Variants in CTNND2 observed in about 807,000 individuals in gnomAD.
The protein encoded by CTNND2 is catenin delta 2, also known as catenin delta-2.
A neutral mutation model predicts 144.4 loss-of-function variants in CTNND2; 22 were observed. That is an observed-to-expected ratio of 0.15 (90% CI 0.11 to 0.22). The LOEUF (loss-of-function observed/expected upper bound fraction) is 0.22. Among genes scored for constraint, CTNND2 ranks in the 10% least tolerant of loss-of-function variants. The pLI, the probability that CTNND2 is intolerant of heterozygous loss-of-function variation, is 1.00. For synonymous variants in CTNND2, 751 were observed against 695.6 expected (o/e 1.08, Z -1.25); for missense variants, 1,353 against 1,618.8 (o/e 0.84, Z 2.82).
At chr5:11,704,435 G>C (rs751340139) in intron 2 of CTNND2, among the ~76,000 whole-genome samples, 1 of 152,216 alleles carries the variant, frequency 6.6e-6, no homozygotes, top group Non-Finnish European at 1.5e-5. Flanking sequence ...ATGAAAATAT[G>C]AATGAGTGCC....
chr5:11,764,836 A>G (rs1230569540), intron 1 of CTNND2, among the ~76,000 whole-genome samples: 2 of 152,192 alleles, frequency 1.3e-5, no homozygotes, highest in African/African-American at 4.8e-5. Context: ...TTTCTACTAC[A>G]AAGTGTTACT....
At chr5:11,132,053 A>G (rs1421725647) in intron 12 of CTNND2, among the ~76,000 whole-genome samples, 1 of 152,208 alleles carries the variant, frequency 6.6e-6, no homozygotes, top group Admixed American at 6.5e-5. Context: ...CATCATCAAA[A>G]AACTGAAAGA....
chr5:11,856,730 G>T (rs1795269098), intron 1 of CTNND2, among the ~76,000 whole-genome samples: 1 of 152,128 alleles, frequency 6.6e-6, no homozygotes, highest in Non-Finnish European at 1.5e-5. Flanking sequence ...TGTGGTTTGT[G>T]ATATGATTCA....
chr5:11,689,611 T>C (rs948178553), intron 2 of CTNND2, among the ~76,000 whole-genome samples: 2 of 152,216 alleles, frequency 1.3e-5, no homozygotes, highest in East Asian at 1.9e-4. Flanking sequence ...TACTGTATCA[T>C]AGTTTCATGA....
At chr5:11,062,717 C>A (rs146041054) in intron 16 of CTNND2, among the ~76,000 whole-genome samples, 1 of 152,204 alleles carries the variant, frequency 6.6e-6, no homozygotes, top group African/African-American at 2.4e-5. Flanking sequence ...AAAGGCTTGC[C>A]AGGGGGATAC....
chr5:11,135,211 C>T (rs557167940), intron 12 of CTNND2, among the ~76,000 whole-genome samples: 12 of 152,218 alleles, frequency 7.9e-5, no homozygotes, highest in Admixed American at 1.3e-4. Context: ...TACTGCTTTT[C>T]GTAAATAATA....
At chr5:11,441,330 T>A (rs548082074) in intron 3 of CTNND2, among the ~76,000 whole-genome samples, 1 of 151,704 alleles carries the variant, frequency 6.6e-6, no homozygotes, top group Admixed American at 6.6e-5. Flanking sequence ...TGTTTATAAT[T>A]TTTAAAAGAA....
chr5:11,329,874 T>C (rs991220951), intron 9 of CTNND2, among the ~76,000 whole-genome samples: 1 of 152,224 alleles, frequency 6.6e-6, no homozygotes, highest in African/African-American at 2.4e-5. Context: ...GAGACTCGTC[T>C]GGCTAAGGTT....
At chr5:11,390,345 T>A (rs540211219) in intron 6 of CTNND2, among the ~76,000 whole-genome samples, 207 of 152,274 alleles carry the variant, frequency 1.4e-3, no homozygotes, top group African/African-American at 4.6e-3. Flanking sequence ...ACGCTGAATC[T>A]TCTATGGAGG....
rs1378692350 is a variant in CTNND2, at chr5:11,194,670, C to T, written c.1975+4778G>A. ...AGACCACCACAGATTTGAAGTAAGC[C>T]TGCAAAATCAGTGAAAAAGCCCACC... On this transcript the variant is annotated intron_variant, in intron 11 of 21. Coordinates refer to ENST00000304623, the MANE Select transcript of CTNND2 (RefSeq NM_001332.4). Among the ~76,000 whole-genome samples the T allele has an allele frequency of 1.3e-5, 2 of 151,880 alleles. 1 individual carries two copies. The highest frequency in any genetic ancestry group is 4.8e-5 in the African/African-American group (2 of 41,346).
chr5:11,241,486 C>A (rs1742445766), intron 9 of CTNND2, among the ~76,000 whole-genome samples: 1 of 152,226 alleles, frequency 6.6e-6, no homozygotes, highest in Non-Finnish European at 1.5e-5. Flanking sequence ...TGTCTCCAGG[C>A]AGTTGACTTC....
chr5:11,424,984 C>G (rs1762663836), intron 3 of CTNND2, among the ~76,000 whole-genome samples: 1 of 152,188 alleles, frequency 6.6e-6, no homozygotes, highest in African/African-American at 2.4e-5. Flanking sequence ...ATCCCTGGAG[C>G]ATAATATACC....
intron 10 of CTNND2, among the ~76,000 whole-genome samples, chr5:11,231,557 T>C (rs1741025909): frequency 6.6e-6 from 1 of 152,190 alleles, no homozygotes; most frequent in South Asian, 2.1e-4. Context: ...GCTCCTGCTC[T>C]AGAGATCTGT....
At chr5:11,341,362 C>T (rs1251939537) in intron 9 of CTNND2, among the ~76,000 whole-genome samples, 1 of 152,172 alleles carries the variant, frequency 6.6e-6, no homozygotes, top group Non-Finnish European at 1.5e-5. Flanking sequence ...GGTGAGGGGC[C>T]TGTTGCTCAA....
intron 2 of CTNND2, among the ~76,000 whole-genome samples, chr5:11,659,068 C>A (rs1331270878): frequency 2.0e-5 from 3 of 152,040 alleles, no homozygotes; most frequent in African/African-American, 7.2e-5. Flanking sequence ...GTGGTTCACC[C>A]TTTGTATTCA....
At chr5:11,667,050 G>T (rs542727874) in intron 2 of CTNND2, among the ~76,000 whole-genome samples, 1 of 152,034 alleles carries the variant, frequency 6.6e-6, no homozygotes, top group South Asian at 2.1e-4. Context: ...AGTTTACTGA[G>T]AATGATGGTT....
rs1293852719 is a variant in CTNND2 at position 11,599,098 on chromosome 5, A to G, written c.175-34042T>C. Among the ~76,000 whole-genome samples the G allele has an allele frequency of 2.6e-5, 4 of 152,158 alleles. 1 individual carries two copies. The South Asian group carries it at 8.3e-4, about 32-fold the overall frequency. ...TCTATCACAAGACAGCACCAGGGAG[A>G]TGGTGCTAAGGCATTTGAAACCACC... is the stretch of plus-strand genomic sequence containing the variant. On this transcript the variant is annotated intron_variant, in intron 2 of 21. Transcript: ENST00000304623.
intron 9 of CTNND2, among the ~76,000 whole-genome samples, chr5:11,330,010 A>C (rs1752921454): frequency 6.6e-6 from 1 of 152,180 alleles, no homozygotes; most frequent in Admixed American, 6.5e-5. Flanking sequence ...TGAATGAGCT[A>C]ATGTAGCATG....
chr5:11,181,844 GTGTGTGGATGTGTGTGTGTGT>G (rs1735031207), intron 11 of CTNND2, among the ~76,000 whole-genome samples: 1 of 103,884 alleles, frequency 9.6e-6, no homozygotes, highest in Non-Finnish European at 1.9e-5. Context: ...TGTGGCATGT[GTGTGTGGATGTGTGTGTGTGT>G]TATGTGTGGC....
Sources: gnomAD v4.1 joint callset for allele counts (sites outside exome capture counted in the v4.1 genomes callset) on GRCh38, gnomAD v4.1.1 for gene constraint, MANE v1.5 for transcripts, NCBI Gene and HGNC (gene_info 2026-07-23, HGNC 2026-07-21) for gene names.